The following PIK3R5 variants were observed in gnomAD, a reference collection of about 807,000 sequenced individuals.
PIK3R5 encodes phosphoinositide 3-kinase regulatory subunit 5.
A neutral mutation model predicts 94.9 loss-of-function variants in PIK3R5; 32 were observed. That is an observed-to-expected ratio of 0.34 (90% CI 0.25 to 0.45). The LOEUF (loss-of-function observed/expected upper bound fraction) is 0.45, where lower values mean the gene tolerates loss of function less well. Among genes scored for constraint, PIK3R5 ranks in the 20% least tolerant of loss-of-function variants. PIK3R5 has a pLI of 1.00. For missense variants in PIK3R5, 853 were observed against 1,144.6 expected (o/e 0.75, Z 3.68); for synonymous variants, 443 against 479.4 (o/e 0.92, Z 0.99).
At chr17:8,944,389 T>C (rs1173818109) in intron 1 of PIK3R5, among the ~76,000 whole-genome samples, 1 of 152,238 alleles carries the variant, frequency 6.6e-6, no homozygotes, top group Non-Finnish European at 1.5e-5. Context: ...AATGAACATA[T>C]GCATGCATGT....
rs201972765 is a variant in PIK3R5 at position 8,905,628 on chromosome 17, C to G, written c.273+41G>C. 5 of 1,503,926 alleles carry G rather than the reference C, an allele frequency of 3.3e-6. No homozygotes were observed. In the African/African-American group the frequency reaches 4.2e-5, roughly 13 times the overall value. The allele number at this position is 1,503,926 out of a possible 1,614,324, so 93.2% of individuals were successfully genotyped here. Reference sequence around the variant, plus strand: ...CCCCAGATAGAGGTCGCTCCTCCCCCTCCTCCCTCACCTCCAGCATCCTGG... The same window carrying G: ...CCCCAGATAGAGGTCGCTCCTCCCCGTCCTCCCTCACCTCCAGCATCCTGG... On this transcript the variant is annotated intron_variant, in intron 4 of 18. Transcript: ENST00000447110.
intron 3 of PIK3R5, among the ~76,000 whole-genome samples, 182 bp downstream of exon 3, chr17:8,908,892 C>G (rs1268079383): frequency 1.3e-5 from 2 of 152,188 alleles, no homozygotes; most frequent in East Asian, 3.8e-4. Context: ...ACTGAATGCA[C>G]CCCCTTCTTA....
intron 1 of PIK3R5, among the ~76,000 whole-genome samples, chr17:8,961,223 G>T (rs550925434): frequency 7.1e-4 from 108 of 152,304 alleles, no homozygotes; most frequent in Admixed American, 1.5e-3. Context: ...CACACGCAAA[G>T]GTGCAGAGGT....
intron 1 of PIK3R5, among the ~76,000 whole-genome samples, chr17:8,933,905 T>C (rs1424629828): frequency 2.0e-5 from 3 of 152,088 alleles, no homozygotes. Context: ...TTGAAAAAAC[T>C]CAACCCCCGT....
rs376834428 is a variant in PIK3R5, at chr17:8,904,868, G to T, written c.321C>A (p.Ser107Arg). Reference protein sequence around the residue: ...PDSDLLLKAASTYHRFLTWPV... With the variant: ...PDSDLLLKAARTYHRFLTWPV... Reference sequence around the variant, plus strand: ...GCCAGGTCAGGAACCGGTGGTAGGTGCTGGCTGCCTTCAGAAGGAGATCCG... The same window carrying T: ...GCCAGGTCAGGAACCGGTGGTAGGTTCTGGCTGCCTTCAGAAGGAGATCCG... The change falls in exon 5 of 19, where the codon AGC becomes AGA. Residue 107 changes from serine to arginine, a missense_variant. By Grantham distance (110) the Ser-to-Arg change is moderately radical. Around this residue, in one of 6 missense-constraint regions of PIK3R5, gnomAD observed 108 missense variants for 170.1 expected, o/e 0.63. Transcript: ENST00000447110. The surrounding 1 kb of genome is among the most constrained non-coding windows in gnomAD (Gnocchi z 5.1). 29 of 1,613,858 alleles carry T rather than the reference G, an allele frequency of 1.8e-5. No homozygotes were observed. The African/African-American group carries it at 3.7e-4, about 21-fold the overall frequency.
intron 4 of PIK3R5, among the ~76,000 whole-genome samples, 164 bp downstream of exon 4, chr17:8,905,505 G>C (rs574787271): frequency 3.9e-5 from 6 of 152,228 alleles, no homozygotes; most frequent in African/African-American, 1.4e-4. Context: ...GCCTCTCATG[G>C]TGGCTGCTCT....
At chr17:8,887,012 T>C in intron 12 of PIK3R5, 84 bp downstream of exon 12, 10 of 1,533,372 alleles carry the variant, frequency 6.5e-6, no homozygotes, top group Non-Finnish European at 8.9e-6. Context: ...GCCTCAAGCC[T>C]GATTCCCTAA....
At chr17:8,910,440 T>C (rs943968477) in intron 2 of PIK3R5, among the ~76,000 whole-genome samples, 1 of 152,232 alleles carries the variant, frequency 6.6e-6, no homozygotes. Flanking sequence ...CCACCTACTA[T>C]GTGCCAATAC....
chr17:8,898,422 C>T (rs923299671), intron 5 of PIK3R5, among the ~76,000 whole-genome samples: 9 of 152,224 alleles, frequency 5.9e-5, no homozygotes, highest in Non-Finnish European at 1.2e-4. Flanking sequence ...CAGGGTCATG[C>T]AGCCATCTGT....
At chr17:8,922,533 G>A (rs536570516) in intron 1 of PIK3R5, among the ~76,000 whole-genome samples, 4 of 152,150 alleles carry the variant, frequency 2.6e-5, no homozygotes, top group South Asian at 4.1e-4. Context: ...TTCCTATGTC[G>A]TGTTCATAGG....
At position 8,945,919 on chromosome 17, in the gene PIK3R5, T is replaced by C. The variant is rs904275084; in HGVS notation, c.-14+19677A>G. ...CTGAGCCATCAAGTGAGAAATTAGA[T>C]TATCCATCTGGACGTTGCCATGATG... On this transcript the variant is annotated intron_variant, in intron 1 of 18. Transcript: ENST00000447110. The surrounding 1 kb of genome is among the most constrained non-coding windows in gnomAD (Gnocchi z 4.0). 6.6e-6 allele frequency among the ~76,000 whole-genome samples: 1 copy of C among 152,184 alleles called. No homozygotes were observed. Among genetic ancestry groups the C allele is most frequent in the African/African-American group, 2.4e-5 (1 of 41,436 alleles).
intron 5 of PIK3R5, among the ~76,000 whole-genome samples, chr17:8,899,407 A>C (rs1275703555): frequency 6.6e-6 from 1 of 152,136 alleles, no homozygotes; most frequent in Non-Finnish European, 1.5e-5. Context: ...CTACCTTCTA[A>C]GCTAACACCA....
intron 1 of PIK3R5, among the ~76,000 whole-genome samples, chr17:8,950,601 T>A (rs1013313335): frequency 2.0e-5 from 3 of 152,236 alleles, no homozygotes; most frequent in Non-Finnish European, 4.4e-5. Context: ...TCCAGCTCCA[T>A]CCATGTTGCT....
At chr17:8,920,351 G>A (rs1459770243) in intron 1 of PIK3R5, among the ~76,000 whole-genome samples, 1 of 152,114 alleles carries the variant, frequency 6.6e-6, no homozygotes, top group Non-Finnish European at 1.5e-5. Context: ...TTGACTCTAA[G>A]ACTGGGAAGG....
chr17:8,916,540 CAACAACAG>C (rs945201916), intron 1 of PIK3R5: 13 of 136,870 alleles, frequency 9.5e-5, no homozygotes, highest in African/African-American at 3.5e-4. Context: ...TTGAAATATC[CAACAACAG>C]GGCCTTCCCC....
rs1039199269 is a variant in PIK3R5, at chr17:8,925,948, T to C, written c.-13-14441A>G. On this transcript the variant is annotated intron_variant, in intron 1 of 18. Coordinates refer to ENST00000447110, the MANE Select transcript of PIK3R5 (RefSeq NM_001142633.3). This position sits in a 1 kb window ranked among gnomAD's most constrained non-coding sequence, Gnocchi z 5.1. ...GAGAGGTCTGGGCTACAGCTCTCTATTTGGGAGTTCACATGGTGCTGTGGT... is the reference window on the plus strand; with the variant it reads ...GAGAGGTCTGGGCTACAGCTCTCTACTTGGGAGTTCACATGGTGCTGTGGT... 2.6e-5 allele frequency among the ~76,000 whole-genome samples: 4 copies of C among 152,190 alleles called. No homozygotes were observed. The highest frequency in any genetic ancestry group is 4.4e-5 in the Non-Finnish European group (3 of 68,030).
Position 8,925,471 on chromosome 17 carries a change from A to G in PIK3R5, c.-13-13964T>C, listed in dbSNP as rs950735378. On this transcript the variant is annotated intron_variant, in intron 1 of 18. Transcript: ENST00000447110. The surrounding 1 kb of genome is among the most constrained non-coding windows in gnomAD (Gnocchi z 5.1). ...GATGGATAGATAGTAGATGGATGAT[A>G]GATAGATAGTAGATGGATAGATAGT... Among the ~76,000 whole-genome samples the G allele has an allele frequency of 6.7e-6, 1 of 149,280 alleles. No homozygotes were observed. Among genetic ancestry groups the G allele is most frequent in the Non-Finnish European group, 1.5e-5 (1 of 66,878 alleles).
In PIK3R5 at chr17:8,880,045, C is replaced by G. The variant is rs1271661153; in HGVS notation, c.*594G>C. ...CAGGTCCAGCGTTAGTGCTGTTTTT[C>G]TGGAGACTCAGGAAACTTGAGAGAA... On this transcript the variant is annotated 3_prime_UTR_variant, in exon 19 of 19. Coordinates refer to ENST00000447110, the MANE Select transcript of PIK3R5 (RefSeq NM_001142633.3). The G allele has an allele frequency of 1.3e-5, 2 of 152,190 alleles. No individual in the cohort carries two copies. The highest frequency in any genetic ancestry group is 3.8e-4 in the East Asian group (2 of 5,198). The allele number at this position is 152,190 out of a possible 1,614,324, so 9.4% of individuals were successfully genotyped here.
In PIK3R5 at chr17:8,896,635, C is replaced by T. The variant is rs1299788069; in HGVS notation, c.413-2980G>A. ...AGCCTTGTTCACCCATCAAAGCTTCCACTCTTTTTCAAAGTTGCAAATAGA... is the reference window on the plus strand; with the variant it reads ...AGCCTTGTTCACCCATCAAAGCTTCTACTCTTTTTCAAAGTTGCAAATAGA... On this transcript the variant is annotated intron_variant, in intron 5 of 18. Coordinates refer to ENST00000447110, the MANE Select transcript of PIK3R5 (RefSeq NM_001142633.3). The surrounding 1 kb of genome is among the most constrained non-coding windows in gnomAD (Gnocchi z 4.0). 2.0e-5 allele frequency among the ~76,000 whole-genome samples: 3 copies of T among 152,180 alleles called. No individual in the cohort carries two copies. The highest frequency in any genetic ancestry group is 2.0e-4 in the Admixed American group (3 of 15,292).
Sources: allele counts gnomAD v4.1 joint callset (sites outside exome capture counted in the v4.1 genomes callset), GRCh38; gene constraint gnomAD v4.1.1; regional missense constraint gnomAD v4.1.1; non-coding constraint Gnocchi (gnomAD v3.1); transcripts MANE v1.5; gene names NCBI Gene and HGNC (gene_info 2026-07-23, HGNC 2026-07-21).